SNTG2: variants seen among roughly 807,000 people sequenced by gnomAD.
SNTG2 encodes syntrophin gamma 2.
In SNTG2, 74 loss-of-function variants were observed where a neutral mutation model predicts 70.9. The observed-to-expected ratio is 1.04, with a 90% CI of 0.86 to 1.27. The LOEUF (loss-of-function observed/expected upper bound fraction) is 1.27. SNTG2 is among the 50% of genes most tolerant of loss of function. SNTG2 has a pLI of 0.00. For missense variants in SNTG2, 717 were observed against 690.7 expected (o/e 1.04, Z -0.43); for synonymous variants, 278 against 273.8 (o/e 1.02, Z -0.15).
At chr2:1,251,901 A>T (rs1677797226) in intron 12 of SNTG2, among the ~76,000 whole-genome samples, 2 of 152,212 alleles carry the variant, frequency 1.3e-5, no homozygotes, top group African/African-American at 4.8e-5. Context: ...TCCAGCCGGC[A>T]GTGATGCTCC....
intron 2 of SNTG2, among the ~76,000 whole-genome samples, chr2:1,093,006 A>G (rs1477924659): frequency 6.6e-6 from 1 of 152,200 alleles, no homozygotes; most frequent in Admixed American, 6.5e-5. Context: ...ATTACCTTAG[A>G]TTGCAACCTC....
At chr2:963,616 A>G (rs1233819538) in intron 1 of SNTG2, among the ~76,000 whole-genome samples, 1 of 122,792 alleles carries the variant, frequency 8.1e-6, no homozygotes, top group Non-Finnish European at 1.8e-5. Flanking sequence ...TATATTTAAT[A>G]TGCCAGTTTT....
chr2:1,134,369 AT>A (rs1668225417), intron 4 of SNTG2, among the ~76,000 whole-genome samples: 1 of 151,972 alleles, frequency 6.6e-6, no homozygotes, highest in African/African-American at 2.4e-5. Context: ...TTTTGACAGG[AT>A]GCTGATTGGT....
chr2:1,090,072 T>G (rs1463953993), intron 2 of SNTG2, among the ~76,000 whole-genome samples: 3 of 152,196 alleles, frequency 2.0e-5, no homozygotes, highest in African/African-American at 7.2e-5. Context: ...TTGTGTGTTT[T>G]TCAATTGTAG....
At chr2:1,271,321 G>A (rs1187577106) in intron 14 of SNTG2, among the ~76,000 whole-genome samples, 1 of 151,996 alleles carries the variant, frequency 6.6e-6, no homozygotes, top group Admixed American at 6.5e-5. Context: ...TTATTGAAAA[G>A]TCATCACATA....
intron 12 of SNTG2, among the ~76,000 whole-genome samples, chr2:1,255,882 ATAAATATATATAAAT>A (rs1678057942): frequency 1.1e-5 from 1 of 87,886 alleles, no homozygotes. Context: ...AAATATATAT[ATAAATATATATAAAT>A]ATATATATAA....
At chr2:1,273,150 C>G (rs1274669036) in intron 14 of SNTG2, among the ~76,000 whole-genome samples, 1 of 152,130 alleles carries the variant, frequency 6.6e-6, no homozygotes, top group Non-Finnish European at 1.5e-5. Flanking sequence ...TGAGGCAAAC[C>G]AAGCTGTCAT....
At chr2:1,034,009 T>G (rs1413848969) in intron 1 of SNTG2, among the ~76,000 whole-genome samples, 1 of 151,024 alleles carries the variant, frequency 6.6e-6, no homozygotes, top group Non-Finnish European at 1.5e-5. Context: ...ACTTTTATGT[T>G]TAGAGGTACA....
At chr2:997,024 TG>T (rs1415427109) in intron 1 of SNTG2, among the ~76,000 whole-genome samples, 1 of 152,186 alleles carries the variant, frequency 6.6e-6, no homozygotes, top group Non-Finnish European at 1.5e-5. Flanking sequence ...GTGTCTGCCT[TG>T]TTCCAGGCAC....
At chr2:1,268,287 T>G (rs150213312) in intron 14 of SNTG2, among the ~76,000 whole-genome samples, 1 of 152,272 alleles carries the variant, frequency 6.6e-6, no homozygotes, top group East Asian at 1.9e-4. Context: ...GCGCGGAGAA[T>G]GCTGAGTGTG....
At chr2:1,075,688 A>T (rs538931944) in intron 1 of SNTG2, among the ~76,000 whole-genome samples, 55 of 152,180 alleles carry the variant, frequency 3.6e-4, no homozygotes, top group Non-Finnish European at 7.8e-4. Context: ...ACATTTGCTG[A>T]TAGATTACTT....
intron 1 of SNTG2, among the ~76,000 whole-genome samples, chr2:1,007,542 A>C (rs1417178790): frequency 6.6e-6 from 1 of 152,166 alleles, no homozygotes; most frequent in Non-Finnish European, 1.5e-5. Flanking sequence ...TCTTTAAATC[A>C]CCCACCACAA....
intron 4 of SNTG2, among the ~76,000 whole-genome samples, chr2:1,116,842 G>A (rs540431931): frequency 2.0e-5 from 3 of 148,078 alleles, no homozygotes; most frequent in African/African-American, 7.5e-5. Flanking sequence ...TGGTGTATGG[G>A]TGCCCTGGTG....
chr2:956,087 G>A (rs188556620), intron 1 of SNTG2, among the ~76,000 whole-genome samples: 3,671 of 87,942 alleles, frequency 0.042, 230 homozygotes, highest in African/African-American at 0.15. Flanking sequence ...TGTGCCAAAT[G>A]CTCCGCACCT....
intron 6 of SNTG2, among the ~76,000 whole-genome samples, chr2:1,164,219 C>T (rs1167636440): frequency 6.0e-5 from 9 of 151,148 alleles, no homozygotes; most frequent in South Asian, 2.1e-4. Flanking sequence ...GAGGAGAGTG[C>T]GAGGTGGGAT....
At chr2:1,269,671 G>A (rs545462977) in intron 14 of SNTG2, among the ~76,000 whole-genome samples, 1 of 152,330 alleles carries the variant, frequency 6.6e-6, no homozygotes, top group African/African-American at 2.4e-5. Flanking sequence ...TTCCCAGTGG[G>A]AAGCATTGAA....
intron 1 of SNTG2, among the ~76,000 whole-genome samples, chr2:1,081,108 C>T (rs1664259716): frequency 6.6e-6 from 1 of 152,138 alleles, no homozygotes; most frequent in African/African-American, 2.4e-5. Context: ...TTCCGCAGGC[C>T]ACGGCGTCCT....
chr2:1,044,178 G>A (rs1237612562), intron 1 of SNTG2, among the ~76,000 whole-genome samples: 1 of 151,778 alleles, frequency 6.6e-6, no homozygotes, highest in Middle Eastern at 3.4e-3. Context: ...TATTGTTTTT[G>A]TGGCTGTTGT....
chr2:1,272,516 G>A (rs549885811), intron 14 of SNTG2, among the ~76,000 whole-genome samples: 1 of 150,890 alleles, frequency 6.6e-6, no homozygotes, highest in South Asian at 2.1e-4. Context: ...AGGAGCAGGT[G>A]TAGAAAGGAC....
Sources: allele counts gnomAD v4.1 joint callset (sites outside exome capture counted in the v4.1 genomes callset), GRCh38; gene constraint gnomAD v4.1.1; transcripts MANE v1.5; gene names NCBI Gene and HGNC (gene_info 2026-07-23, HGNC 2026-07-21).